Variants in NR3C2 observed in about 807,000 individuals in gnomAD.
NR3C2 encodes mineralocorticoid receptor.
A neutral mutation model predicts 86.4 loss-of-function variants in NR3C2; 15 were observed. The ratio of observed to expected loss-of-function variants is 0.17; its 90% CI spans 0.12 to 0.27. The LOEUF (loss-of-function observed/expected upper bound fraction) is 0.27. NR3C2 is among the 10% of genes least tolerant of loss of function. The pLI is 1.00. For missense variants in NR3C2, 960 were observed against 1,195.6 expected, an observed-to-expected ratio of 0.80 and a Z score of 2.91; for synonymous variants, 458 against 450.5, an observed-to-expected ratio of 1.02 and a Z score of -0.21.
At chr4:148,384,834 T>C (rs1035661273) in intron 2 of NR3C2, among the ~76,000 whole-genome samples, 1 of 152,196 alleles carries the variant, frequency 6.6e-6, no homozygotes, top group African/African-American at 2.4e-5. Context: ...ACTGAACCAC[T>C]CTGCAATTCC....
In NR3C2 at chr4:148,079,708, C is replaced by T. The variant is rs1189041369; in HGVS notation, c.*1636G>A. ...TAATGAATTAAACATTTTAGTGCCA[C>T]TGTCTTGCTTATATGATCTGTAATT... On this transcript the variant is annotated 3_prime_UTR_variant, in exon 9 of 9. Coordinates refer to ENST00000358102, the MANE Select transcript of NR3C2 (RefSeq NM_000901.5). The T allele has an allele frequency of 6.6e-6, 1 of 152,646 alleles. No homozygotes were observed. Among genetic ancestry groups the T allele is most frequent in the Non-Finnish European group, 1.5e-5 (1 of 68,046 alleles). 9.5% of individuals were successfully genotyped at this position (152,646 alleles called of 1,614,324 possible). A position where few individuals can be genotyped will look rare whatever the true frequency, so the allele number is the denominator to read the frequency against.
At chr4:148,270,487 G>A (rs1189882789) in intron 2 of NR3C2, among the ~76,000 whole-genome samples, 1 of 152,116 alleles carries the variant, frequency 6.6e-6, no homozygotes, top group Non-Finnish European at 1.5e-5. Context: ...AGTCATTAAT[G>A]ACAATTAATG....
chr4:148,244,239 T>C (rs1350220136), intron 3 of NR3C2, among the ~76,000 whole-genome samples: 3 of 152,216 alleles, frequency 2.0e-5, no homozygotes, highest in African/African-American at 4.8e-5. Context: ...GAGGGCCGGA[T>C]AGCTACATAG....
intron 7 of NR3C2, among the ~76,000 whole-genome samples, chr4:148,115,596 G>T (rs1168486394): frequency 2.6e-5 from 4 of 152,114 alleles, no homozygotes; most frequent in Non-Finnish European, 4.4e-5. Flanking sequence ...GCTGAGTATT[G>T]TGTGCAACCC....
In NR3C2 at chr4:148,354,847, G is replaced by A. The variant is rs1022269806; in HGVS notation, c.1757+80257C>T. ...TAATCAAGGATATTTTCATTTTGGA[G>A]GTATAAAATTAAATGGATGTCTTGT... On this transcript the variant is annotated intron_variant, in intron 2 of 8. Coordinates refer to ENST00000358102, the MANE Select transcript of NR3C2 (RefSeq NM_000901.5). Among the ~76,000 whole-genome samples the A allele has an allele frequency of 6.6e-5, 10 of 152,012 alleles. No homozygotes were observed. In the South Asian group the frequency reaches 1.7e-3, roughly 25 times the overall value.
At chr4:148,278,583 A>C (rs73855940) in intron 2 of NR3C2, among the ~76,000 whole-genome samples, 14,641 of 152,010 alleles carry the variant, frequency 0.096, 1,392 homozygotes, top group African/African-American at 0.25. Context: ...GCGCGCACAC[A>C]CACACCCACA....
At chr4:148,279,622 A>G (rs1028749797) in intron 2 of NR3C2, among the ~76,000 whole-genome samples, 3 of 152,260 alleles carry the variant, frequency 2.0e-5, no homozygotes, top group African/African-American at 4.8e-5. Flanking sequence ...GAATATAAAC[A>G]TAAAATGCAC....
intron 3 of NR3C2, among the ~76,000 whole-genome samples, chr4:148,207,540 G>A (rs1737066860): frequency 6.6e-6 from 1 of 152,214 alleles, no homozygotes; most frequent in South Asian, 2.1e-4. Flanking sequence ...CTCAGGACAA[G>A]AGAGGTTCCT....
chr4:148,395,194 C>T (rs1450029204), intron 2 of NR3C2, among the ~76,000 whole-genome samples: 2 of 152,054 alleles, frequency 1.3e-5, no homozygotes, highest in African/African-American at 4.8e-5. Flanking sequence ...TATTGTTTTA[C>T]ATCAAAATAA....
At chr4:148,228,708 G>T (rs1160452185) in intron 3 of NR3C2, among the ~76,000 whole-genome samples, 1 of 152,104 alleles carries the variant, frequency 6.6e-6, no homozygotes, top group East Asian at 1.9e-4. Context: ...TGAAAACATA[G>T]TAAAGCAGAA....
intron 2 of NR3C2, among the ~76,000 whole-genome samples, chr4:148,362,798 C>T (rs945659204): frequency 6.6e-6 from 1 of 152,128 alleles, no homozygotes; most frequent in African/African-American, 2.4e-5. Context: ...GAAAACCTGA[C>T]TGCAGAGGGG....
intron 3 of NR3C2, among the ~76,000 whole-genome samples, chr4:148,229,590 C>A (rs1180559665): frequency 1.3e-5 from 2 of 152,008 alleles, no homozygotes; most frequent in East Asian, 3.9e-4. Flanking sequence ...AGATGAGATA[C>A]AGTTAGAGAG....
At chr4:148,292,440 G>C (rs941654658) in intron 2 of NR3C2, among the ~76,000 whole-genome samples, 26 of 152,056 alleles carry the variant, frequency 1.7e-4, no homozygotes, top group African/African-American at 6.0e-4. Context: ...TGTTAATATT[G>C]CTAAAACCCT....
rs185858485 is a variant in NR3C2, at chr4:148,295,858, C to A, written c.1758-35741G>T. On this transcript the variant is annotated intron_variant, in intron 2 of 8. Transcript: ENST00000358102. ...CACAGTGGCAGGTCACGTGATCCTG[C>A]CTACCTTACCCACACAATTTGGAAC... 2.0e-5 allele frequency among the ~76,000 whole-genome samples: 3 copies of A among 151,988 alleles called. No individual in the cohort carries two copies. The East Asian group carries it at 5.8e-4, about 29-fold the overall frequency.
In NR3C2 at chr4:148,337,537, C is replaced by A. The variant is rs533860497; in HGVS notation, c.1758-77420G>T. On this transcript the variant is annotated intron_variant, in intron 2 of 8. Transcript: ENST00000358102. ...AGAAGAAAAGTTCTTTTTATTAATG[C>A]ATTGAGTTTCAAATATATTTAACAA... Among the ~76,000 whole-genome samples the A allele has an allele frequency of 7.2e-5, 11 of 152,272 alleles. 1 individual carries two copies. In the South Asian group the frequency reaches 2.3e-3, roughly 32 times the overall value.
At chr4:148,122,858 T>G (rs1365056393) in intron 6 of NR3C2, among the ~76,000 whole-genome samples, 1 of 152,178 alleles carries the variant, frequency 6.6e-6, no homozygotes, top group Non-Finnish European at 1.5e-5. Context: ...ACAAATTGAT[T>G]GTAAAACGTG....
intron 2 of NR3C2, among the ~76,000 whole-genome samples, chr4:148,398,304 C>T (rs1241657008): frequency 2.0e-5 from 3 of 152,202 alleles, no homozygotes; most frequent in Non-Finnish European, 4.4e-5. Context: ...ATAATTAATT[C>T]TCTAACAAGT....
chr4:148,253,166 G>A (rs1049670680), intron 3 of NR3C2, among the ~76,000 whole-genome samples: 29 of 152,302 alleles, frequency 1.9e-4, no homozygotes, highest in African/African-American at 6.5e-4. Flanking sequence ...CACATAAGTA[G>A]TTACCAACAA....
chr4:148,095,642 G>A (rs1731244634), intron 8 of NR3C2, among the ~76,000 whole-genome samples: 1 of 152,198 alleles, frequency 6.6e-6, no homozygotes, highest in Non-Finnish European at 1.5e-5. Flanking sequence ...AGGCATTTGG[G>A]GACCTTAGAG....
Sources: gnomAD v4.1 joint callset for allele counts (sites outside exome capture counted in the v4.1 genomes callset) on GRCh38, gnomAD v4.1.1 for gene constraint, MANE v1.5 for transcripts, NCBI Gene and HGNC (gene_info 2026-07-23, HGNC 2026-07-21) for gene names.